Variants in SLC24A2 observed in about 807,000 individuals in gnomAD.
The protein encoded by SLC24A2 is sodium/potassium/calcium exchanger 2.
A neutral mutation model predicts 62.0 loss-of-function variants in SLC24A2; 36 were observed. The observed-to-expected ratio is 0.58, with a 90% CI of 0.44 to 0.77. The LOEUF is 0.77. Ranked by LOEUF, SLC24A2 falls within the 30% of genes least tolerant of loss-of-function variation. The pLI, the probability that SLC24A2 is intolerant of heterozygous loss-of-function variation, is 0.00. For missense variants in SLC24A2, 846 were observed against 817.9 expected (o/e 1.03, Z -0.42); for synonymous variants, 358 against 294.0 (o/e 1.22, Z -2.23).
chr9:20,105,435 C>T, the SLC24A2 span, among the ~76,000 whole-genome samples: 1 of 151,544 alleles, frequency 6.6e-6, no homozygotes, highest in Non-Finnish European at 1.5e-5. Context: ...CAAAATTGAC[C>T]ACATACTTGG....
chr9:19,933,890 C>G, the SLC24A2 span, among the ~76,000 whole-genome samples: 4,147 of 152,196 alleles, frequency 0.027, 71 homozygotes, highest in Non-Finnish European at 0.042. Context: ...TAGTATGATT[C>G]CATTTATGTG....
chr9:19,561,144 G>T (rs1316233496), intron 7 of SLC24A2, among the ~76,000 whole-genome samples: 2 of 151,636 alleles, frequency 1.3e-5, no homozygotes, highest in African/African-American at 4.8e-5. Flanking sequence ...TGGCCAGGCT[G>T]GTCTTGAACT....
chr9:19,592,923 T>A (rs1294127843), intron 5 of SLC24A2, among the ~76,000 whole-genome samples: 1 of 152,172 alleles, frequency 6.6e-6, no homozygotes, highest in Non-Finnish European at 1.5e-5. Flanking sequence ...CAAAAGACAT[T>A]TTTGTCCCTA....
chr9:19,711,928 T>G (rs1820726607), intron 2 of SLC24A2, among the ~76,000 whole-genome samples: 1 of 152,176 alleles, frequency 6.6e-6, no homozygotes, highest in Non-Finnish European at 1.5e-5. Context: ...GGATCCCCTA[T>G]GAACCATTAT....
chr9:20,101,427 G>T, the SLC24A2 span, among the ~76,000 whole-genome samples: 3 of 152,258 alleles, frequency 2.0e-5, no homozygotes, highest in African/African-American at 7.2e-5. Context: ...AGTGGAAACT[G>T]TTTGCCTTGG....
the SLC24A2 span, among the ~76,000 whole-genome samples, chr9:20,239,921 A>T: frequency 6.6e-6 from 1 of 151,390 alleles, no homozygotes; most frequent in Admixed American, 6.6e-5. Context: ...CCAGCTGTGA[A>T]CTGGAAGAGG....
At chr9:19,979,339 C>A in the SLC24A2 span, among the ~76,000 whole-genome samples, 2 of 152,200 alleles carry the variant, frequency 1.3e-5, no homozygotes, top group Middle Eastern at 3.4e-3. Context: ...CTCCTCAGAC[C>A]ACATTTTGAA....
At chr9:19,788,551 T>C (rs933607810) in intron 1 of SLC24A2, 5 of 985,196 alleles carry the variant, frequency 5.1e-6, no homozygotes, top group East Asian at 1.1e-4. Context: ...TGGAGCTGGG[T>C]TGCATTTGGT....
chr9:19,745,203 G>A (rs148791738), intron 2 of SLC24A2, among the ~76,000 whole-genome samples: 2 of 152,220 alleles, frequency 1.3e-5, no homozygotes, highest in Non-Finnish European at 2.9e-5. Context: ...TTCTGCCATG[G>A]TTGAAAGATT....
intron 2 of SLC24A2, among the ~76,000 whole-genome samples, chr9:19,678,281 T>G (rs1453603856): frequency 1.3e-5 from 2 of 152,240 alleles, no homozygotes; most frequent in African/African-American, 4.8e-5. Context: ...ATCTAGTTTG[T>G]GTAGCACACA....
chr9:19,674,179 A>G (rs938998261), intron 2 of SLC24A2, among the ~76,000 whole-genome samples: 2 of 152,180 alleles, frequency 1.3e-5, no homozygotes, highest in African/African-American at 4.8e-5. Flanking sequence ...TGTTCTAAGA[A>G]GGCTGAAGAT....
intron 4 of SLC24A2, among the ~76,000 whole-genome samples, chr9:19,617,255 C>A (rs756674550): frequency 8.5e-5 from 13 of 152,118 alleles, no homozygotes; most frequent in Non-Finnish European, 1.3e-4. Context: ...AATGCAAATG[C>A]TGATTTGAGA....
chr9:19,517,195 C>A (rs1161732275), intron 10 of SLC24A2, among the ~76,000 whole-genome samples: 1 of 152,100 alleles, frequency 6.6e-6, no homozygotes, highest in Non-Finnish European at 1.5e-5. Context: ...GACTAGAACT[C>A]TGGGAAAGGA....
At chr9:19,568,450 A>G (rs571563968) in intron 7 of SLC24A2, among the ~76,000 whole-genome samples, 9 of 152,372 alleles carry the variant, frequency 5.9e-5, no homozygotes, top group Non-Finnish European at 1.0e-4. Flanking sequence ...GGGCTATTCA[A>G]TAGCCATTAA....
chr9:20,246,840 C>G, the SLC24A2 span, among the ~76,000 whole-genome samples: 14 of 152,232 alleles, frequency 9.2e-5, no homozygotes, highest in Admixed American at 2.0e-4. Context: ...TTCCTTGCAT[C>G]TGCACCAGTC....
chr9:19,823,001 C>T, the SLC24A2 span, among the ~76,000 whole-genome samples: 1 of 152,052 alleles, frequency 6.6e-6, no homozygotes, highest in Non-Finnish European at 1.5e-5. Flanking sequence ...CCCACCCTTC[C>T]CACTCCTCCA....
Position 19,573,403 on chromosome 9 carries a change from T to C in SLC24A2, c.1295A>G (p.Glu432Gly), listed in dbSNP as rs1444321677. The part of the protein sequence containing the change: ...VEMTPSSDAS[E>G]PVQNGNLSHN... ...GGAGAGATTTCCATTTTGTACAGGT[T>C]CTGAAGCATCACTGGATGGTGTCAT... Residue 432 changes from glutamate (E) to glycine (G), a missense_variant, in exon 7 of 11, where the codon GAA (glutamate) becomes GGA (glycine). Physicochemically the swap from Glu to Gly is moderately conservative, Grantham distance 98 (BLOSUM62 -2). Coordinates refer to ENST00000341998, the MANE Select transcript of SLC24A2 (RefSeq NM_020344.4). The C allele has an allele frequency of 1.9e-6, 3 of 1,613,878 alleles. No homozygotes were observed. Among genetic ancestry groups the C allele is most frequent in the African/African-American group, 2.7e-5 (2 of 74,974 alleles).
chr9:20,204,465 G>A, the SLC24A2 span, among the ~76,000 whole-genome samples: 2 of 152,152 alleles, frequency 1.3e-5, no homozygotes, highest in Admixed American at 6.6e-5. Context: ...TTATGTGAAT[G>A]CTTGACAACA....
At chr9:20,055,599 C>A in the SLC24A2 span, among the ~76,000 whole-genome samples, 1 of 151,796 alleles carries the variant, frequency 6.6e-6, no homozygotes. Context: ...TGAACTTAGA[C>A]ATACCAGGCC....
Sources: allele counts gnomAD v4.1 joint callset (sites outside exome capture counted in the v4.1 genomes callset), GRCh38; gene constraint gnomAD v4.1.1; transcripts MANE v1.5; gene names NCBI Gene and HGNC (gene_info 2026-07-23, HGNC 2026-07-21).